PRKCQ: variants seen among roughly 807,000 people sequenced by gnomAD.
PRKCQ encodes the protein protein kinase C theta type.
PRKCQ carries 41 observed loss-of-function variants against 91.2 expected under a neutral mutation model. The ratio of observed to expected loss-of-function variants is 0.45; its 90% CI spans 0.35 to 0.58. PRKCQ has a LOEUF of 0.58. PRKCQ is among the 20% of genes least tolerant of loss of function. PRKCQ has a pLI of 0.00. For synonymous variants in PRKCQ, 307 were observed against 316.9 expected (o/e 0.97, Z 0.33); for missense variants, 673 against 896.5 (o/e 0.75, Z 3.18).
the PRKCQ span, among the ~76,000 whole-genome samples, chr10:6,411,412 C>T: frequency 1.3e-5 from 2 of 152,318 alleles, no homozygotes; most frequent in East Asian, 1.9e-4. Flanking sequence ...ATCACTCTAG[C>T]CTCAGAAATC....
At chr10:6,564,234 C>T (rs1840748457) in intron 1 of PRKCQ, among the ~76,000 whole-genome samples, 2 of 152,158 alleles carry the variant, frequency 1.3e-5, no homozygotes, top group Non-Finnish European at 2.9e-5. Flanking sequence ...CAGCAAGATC[C>T]TCTACCGCAC....
Position 6,483,685 on chromosome 10 carries a change from C to A in PRKCQ, c.1019-85G>T, listed in dbSNP as rs115474780. ...CTGAGAGCACATGCTTTCTCTTCTA[C>A]TTCCCATGCTGAGGCTCCATCATAG... On this transcript the variant is annotated intron_variant, in intron 10 of 17. Transcript: ENST00000263125. 1.5e-3 allele frequency: 2,230 copies of A among 1,483,412 alleles called. 23 individuals carry two copies. The African/African-American group carries it at 0.028, about 19-fold the overall frequency. 91.9% of individuals were successfully genotyped at this position (1,483,412 alleles called of 1,614,324 possible). A position where few individuals can be genotyped will look rare whatever the true frequency, so the allele number is the denominator to read the frequency against.
chr10:6,536,709 C>G lies in PRKCQ; in HGVS notation c.-9-21565G>C, dbSNP rs75300580. ...TGGGCTTCAGTGTCCTGTCCCAGCC[C>G]CACAGCTGATAGCACAAAACAACCC... On this transcript the variant is annotated intron_variant, in intron 1 of 17. Transcript: ENST00000263125. 8.4e-3 allele frequency among the ~76,000 whole-genome samples: 1,284 copies of G among 152,260 alleles called. 13 individuals are homozygous for G. Among genetic ancestry groups the G allele is most frequent in the African/African-American group, 0.029 (1,208 of 41,526 alleles).
intron 1 of PRKCQ, among the ~76,000 whole-genome samples, chr10:6,538,688 A>G (rs1286375793): frequency 6.6e-6 from 1 of 152,248 alleles, no homozygotes; most frequent in Non-Finnish European, 1.5e-5. Flanking sequence ...GACTCTGGAA[A>G]GTCGGAGTTG....
chr10:6,422,941 A>AGTGAGTTG (rs1442352912), downstream of PRKCQ, among the ~76,000 whole-genome samples: 9 of 152,294 alleles, frequency 5.9e-5, no homozygotes, highest in East Asian at 7.7e-4. Flanking sequence ...CTTCTCAGAC[A>AGTGAGTTG]GTGAGTTGGG....
Position 6,507,415 on chromosome 10 carries a change from GGAA to G in PRKCQ, c.379+18_379+20del, listed in dbSNP as rs1838254643. The G allele has an allele frequency of 8.7e-6, 14 of 1,607,804 alleles. No homozygotes were observed. Among genetic ancestry groups the G allele is most frequent in the Non-Finnish European group, 1.1e-5 (13 of 1,174,560 alleles). On this transcript the variant is annotated intron_variant, in intron 4 of 17. Transcript: ENST00000263125. ...GCCATGCCCTCCTCACCCCCAAACA[GGAA>G]GAAGAAATGTCACTTGCCACTCATT... is the stretch of plus-strand genomic sequence containing the variant.
chr10:6,433,887 C>T (rs1055183687), intron 16 of PRKCQ, among the ~76,000 whole-genome samples: 1 of 151,712 alleles, frequency 6.6e-6, no homozygotes, highest in South Asian at 2.1e-4. Flanking sequence ...AAAAATTAGC[C>T]GGGTGTGGTG....
At chr10:6,460,645 C>T (rs1410616290) in intron 14 of PRKCQ, among the ~76,000 whole-genome samples, 4 of 152,204 alleles carry the variant, frequency 2.6e-5, no homozygotes, top group African/African-American at 9.7e-5. Flanking sequence ...GCAAGGGCCA[C>T]TACACCCAGC....
chr10:6,452,256 A>G (rs1399144973), intron 15 of PRKCQ, among the ~76,000 whole-genome samples: 1 of 152,244 alleles, frequency 6.6e-6, no homozygotes, highest in East Asian at 1.9e-4. Flanking sequence ...ATGTACAAAA[A>G]TCACAAGCAT....
At chr10:6,419,033 C>CTAT in the PRKCQ span, among the ~76,000 whole-genome samples, 905 of 150,966 alleles carry the variant, frequency 6.0e-3, 7 homozygotes, top group African/African-American at 0.021. Flanking sequence ...CATCTATCTA[C>CTAT]CTATCATCCA....
At chr10:6,463,279 A>T (rs983546712) in intron 13 of PRKCQ, among the ~76,000 whole-genome samples, 1 of 152,176 alleles carries the variant, frequency 6.6e-6, no homozygotes, top group African/African-American at 2.4e-5. Context: ...TTAAGGTCGG[A>T]TATAAGAGAT....
At chr10:6,532,557 G>A (rs1040135703) in intron 1 of PRKCQ, among the ~76,000 whole-genome samples, 2 of 151,864 alleles carry the variant, frequency 1.3e-5, no homozygotes, top group African/African-American at 4.8e-5. Flanking sequence ...TCAGTCTACA[G>A]TCATCCCACC....
chr10:6,418,503 A>C, the PRKCQ span, among the ~76,000 whole-genome samples: 1 of 37,482 alleles, frequency 2.7e-5, no homozygotes, highest in Non-Finnish European at 5.9e-5. Flanking sequence ...TACAGAAAAG[A>C]GGAAGGAATA....
At chr10:6,507,568 A>G (rs1838260913) in intron 3 of PRKCQ, 72 bp from the exon 4 acceptor site, 4 of 1,292,130 alleles carry the variant, frequency 3.1e-6, no homozygotes, top group Non-Finnish European at 4.5e-6. Context: ...ATCACTGGCT[A>G]CTGACGATGG....
chr10:6,486,287 C>T, intron 8 of PRKCQ, 143 bp from the exon 9 acceptor site: 1 of 687,794 alleles, frequency 1.5e-6, no homozygotes, highest in Non-Finnish European at 2.6e-6. Flanking sequence ...CCCTGGCTCT[C>T]CCTGGTAGTG....
chr10:6,515,401 G>A (rs778762919), intron 1 of PRKCQ: 2 of 985,304 alleles, frequency 2.0e-6, no homozygotes, highest in Admixed American at 1.2e-4. Context: ...AGTAACTCAA[G>A]AGTTAGTTCC....
chr10:6,456,739 C>T lies in PRKCQ; in HGVS notation c.1582G>A (p.Glu528Lys). Residue 528 changes from glutamate (E) to lysine (K), a missense_variant, in exon 15 of 18, where the codon GAG becomes AAG. Transcript: ENST00000263125. ...GTCTTGGCATCTCCTAACATGTTCTCCTTGCACATTCCAAAATCCGCGATC... is the reference window on the plus strand; with the variant it reads ...GTCTTGGCATCTCCTAACATGTTCTTCTTGCACATTCCAAAATCCGCGATC... ...IKIADFGMCK[E>K]NMLGDAKTNT... 1 of 1,614,192 alleles carries T rather than the reference C, an allele frequency of 6.2e-7. No homozygotes were observed. Among genetic ancestry groups the T allele is most frequent in the Non-Finnish European group, 8.5e-7 (1 of 1,180,034 alleles).
At chr10:6,401,960 C>T in the PRKCQ span, among the ~76,000 whole-genome samples, 1 of 152,122 alleles carries the variant, frequency 6.6e-6, no homozygotes, top group Non-Finnish European at 1.5e-5. Flanking sequence ...CCAGCAGGGA[C>T]GGAAACTGCA....
chr10:6,564,866 C>T (rs796952554), intron 1 of PRKCQ, among the ~76,000 whole-genome samples: 8 of 152,272 alleles, frequency 5.3e-5, no homozygotes, highest in African/African-American at 1.7e-4. Flanking sequence ...AGCATGGGTC[C>T]ACTGTCAATA....
Sources: allele counts gnomAD v4.1 joint callset (sites outside exome capture counted in the v4.1 genomes callset), GRCh38; gene constraint gnomAD v4.1.1; transcripts MANE v1.5; gene names NCBI Gene and HGNC (gene_info 2026-07-23, HGNC 2026-07-21).